The following MUC3A variants were observed in gnomAD, a reference collection of about 807,000 sequenced individuals.
MUC3A encodes the protein mucin 3A, cell surface associated.
In MUC3A, 109 loss-of-function variants were observed where a neutral mutation model predicts 109.0. The observed-to-expected ratio is 1.00, with a 90% CI of 0.86 to 1.17. MUC3A has a LOEUF of 1.17. Among genes scored for constraint, MUC3A ranks in the 50% most tolerant of loss-of-function variants. MUC3A has a pLI of 0.00. For synonymous variants in MUC3A, 1,398 were observed against 981.4 expected (o/e 1.42, Z -7.93); for missense variants, 3,537 against 2,469.4 (o/e 1.43, Z -9.16).
chr7:100,965,269 T>C lies in MUC3A; in HGVS notation c.9383-13T>C, dbSNP rs778047341. The C allele has an allele frequency of 6.3e-7, 1 of 1,598,672 alleles. No individual in the cohort carries two copies. The highest frequency in any genetic ancestry group is 1.1e-5 in the South Asian group (1 of 90,896). ...CTGCCCCGCCCATTCCATCTGTGCC[T>C]GTGTTTCCGCAGCCCTGTGTTTTAA... On this transcript the variant is annotated splice_polypyrimidine_tract_variant and intron_variant, in intron 6 of 11. Coordinates refer to ENST00000379458, the MANE Select transcript of MUC3A (RefSeq NM_005960.2).
At position 100,952,671 on chromosome 7, in the gene MUC3A, G is replaced by C; in HGVS notation, c.892G>C (p.Val298Leu). 6.3e-7 allele frequency: 1 copy of C among 1,598,502 alleles called. No individual in the cohort carries two copies. Among genetic ancestry groups the C allele is most frequent in the Non-Finnish European group, 8.5e-7 (1 of 1,179,786 alleles). Residue 298 changes from valine (V) to leucine (L), a missense_variant, in exon 2 of 12, where the codon GTC becomes CTC. Transcript: ENST00000379458. ...PTRTILSSTP[V>L]LSTETITSGI... ...TAGGACCATTTTATCTTCCACACCTGTCCTGAGCACAGAAACAATCACCAG... is the reference window on the plus strand; with the variant it reads ...TAGGACCATTTTATCTTCCACACCTCTCCTGAGCACAGAAACAATCACCAG...
chr7:100,954,364 C>T lies in MUC3A; in HGVS notation c.2585C>T (p.Ser862Leu), dbSNP rs1038588336. ...MSARPTTVIPSSPTVQNTEIS... is the reference protein window; with the variant it reads ...MSARPTTVIPLSPTVQNTEIS... Reference sequence around the variant, plus strand: ...GCAAGGCCAACAACTGTCATTCCCTCATCTCCCACTGTCCAGAATACAGAA... The same window carrying T: ...GCAAGGCCAACAACTGTCATTCCCTTATCTCCCACTGTCCAGAATACAGAA... The change falls in exon 2 of 12, where the codon TCA (serine) becomes TTA (leucine). Residue 862 changes from serine to leucine, a missense_variant. Physicochemically the swap from Ser to Leu is moderately radical, Grantham distance 145 (BLOSUM62 -2). Transcript: ENST00000379458. 3 of 403,558 alleles carry T rather than the reference C, an allele frequency of 7.4e-6. No individual in the cohort carries two copies. Among genetic ancestry groups the T allele is most frequent in the African/African-American group, 2.1e-5 (1 of 48,704 alleles). The allele number at this position is 403,558 out of a possible 1,614,324, so 25.0% of individuals were successfully genotyped here. A position where few individuals can be genotyped will look rare whatever the true frequency, so the allele number is the denominator to read the frequency against.
At position 100,956,588 on chromosome 7, in the gene MUC3A, C is replaced by T. The variant is rs935726915; in HGVS notation, c.4809C>T (p.Ser1603=). The T allele has an allele frequency of 2.0e-5, 9 of 441,386 alleles. No homozygotes were observed. Among genetic ancestry groups the T allele is most frequent in the African/African-American group, 4.1e-5 (2 of 49,278 alleles). The allele number at this position is 441,386 out of a possible 1,614,324, so 27.3% of individuals were successfully genotyped here. Reference sequence around the variant, plus strand: ...ACCTCACCTCAGTGTACACAGTCTCCAGCATGTCTGCAAGGCCAACAAGTG... The same window carrying T: ...ACCTCACCTCAGTGTACACAGTCTCTAGCATGTCTGCAAGGCCAACAAGTG... The part of the protein sequence containing the change: ...MTDLTSVYTV[S]SMSARPTSVI... Residue 1603 remains serine (S), a synonymous_variant, in exon 2 of 12, where the codon TCC becomes TCT. Transcript: ENST00000379458.
Position 100,951,834 on chromosome 7 carries a change from A to G in MUC3A, c.62-7A>G. Reference sequence around the variant, plus strand: ...CAGTGGATTCCTCTGCTCTGCCGCCAATGCAGGAACTTTATCCACGGCCAC... The same window carrying G: ...CAGTGGATTCCTCTGCTCTGCCGCCGATGCAGGAACTTTATCCACGGCCAC... On this transcript the variant is annotated splice_region_variant and splice_polypyrimidine_tract_variant and intron_variant, in intron 1 of 11. Coordinates refer to ENST00000379458, the MANE Select transcript of MUC3A (RefSeq NM_005960.2). The G allele has an allele frequency of 6.3e-7, 1 of 1,594,790 alleles. No individual in the cohort carries two copies. The highest frequency in any genetic ancestry group is 1.1e-5 in the South Asian group (1 of 91,030).
Position 100,959,470 on chromosome 7 carries a change from G to GTTCCT in MUC3A, c.7694_7698dup (p.Ser2567ProfsTer20). ...AGAATTACTGAGAACACCCCAATCA[G>GTTCCT]TTCCTTTAGCACAAGTATTGTTGTT... On this transcript the variant is annotated frameshift_variant, in exon 2 of 12. Transcript: ENST00000379458. LOFTEE classifies it high-confidence loss of function. The GTTCCT allele has an allele frequency of 6.3e-7, 1 of 1,575,732 alleles. No individual in the cohort carries two copies. Among genetic ancestry groups the GTTCCT allele is most frequent in the African/African-American group, 1.3e-5 (1 of 74,412 alleles).
At position 100,958,541 on chromosome 7, in the gene MUC3A, C is replaced by A; in HGVS notation, c.6762C>A (p.Pro2254=). 1 of 1,327,764 alleles carries A rather than the reference C, an allele frequency of 7.5e-7. No homozygotes were observed. 82.2% of individuals were successfully genotyped at this position (1,327,764 alleles called of 1,614,324 possible). A position where few individuals can be genotyped will look rare whatever the true frequency, so the allele number is the denominator to read the frequency against. The stretch of plus-strand genomic sequence containing the variant: ...CTGAGACTACATCCCACAGTACTCC[C>A]AGCTTCACTTCTTCGATCACCACCA... ...TTTETTSHST[P]SFTSSITTTE... The change falls in exon 2 of 12, where the codon CCC becomes CCA. Residue 2254 remains proline (P), a synonymous_variant. Transcript: ENST00000379458.
Position 100,965,742 on chromosome 7 carries a change from T to C in MUC3A, c.9487T>C (p.Phe3163Leu), listed in dbSNP as rs1425882426. The change falls in exon 8 of 12, where the codon TTC becomes CTC. Residue 3163 changes from phenylalanine to leucine, a missense_variant. By Grantham distance (22) the Phe-to-Leu change is conservative (BLOSUM62 0). Coordinates refer to ENST00000379458, the MANE Select transcript of MUC3A (RefSeq NM_005960.2). ...RRAAPTGYEEFYFPLVEATRL... is the reference protein window; with the variant it reads ...RRAAPTGYEELYFPLVEATRL... Reference sequence around the variant, plus strand: ...CGCCGCTCCCACGGGCTATGAAGAGTTCTACTTCCCCTTGGTGGAGGCCAC... The same window carrying C: ...CGCCGCTCCCACGGGCTATGAAGAGCTCTACTTCCCCTTGGTGGAGGCCAC... The C allele has an allele frequency of 1.9e-6, 3 of 1,598,386 alleles. No homozygotes were observed. The highest frequency in any genetic ancestry group is 2.7e-5 in the African/African-American group (2 of 75,078).
Position 100,959,236 on chromosome 7 carries a change from C to A in MUC3A, c.7457C>A (p.Thr2486Asn), listed in dbSNP as rs1792226407. The change falls in exon 2 of 12, where the codon ACC becomes AAC. Residue 2486 changes from threonine to asparagine, a missense_variant. Thr to Asn is a moderately conservative substitution (Grantham distance 65). Coordinates refer to ENST00000379458, the MANE Select transcript of MUC3A (RefSeq NM_005960.2). ...TPSSLSTDIP[T>N]TSLRTLTPSS... ...TCTTCTCTGAGTACAGACATCCCGA[C>A]CACAAGCCTACGAACTCTCACCCCT... 5.0e-6 allele frequency: 8 copies of A among 1,598,166 alleles called. No individual in the cohort carries two copies. In the South Asian group the frequency reaches 5.5e-5, roughly 11 times the overall value.
Position 100,956,601 on chromosome 7 carries a change from A to T in MUC3A, c.4822A>T (p.Arg1608Trp). 2.8e-6 allele frequency: 1 copy of T among 356,974 alleles called. No individual in the cohort carries two copies. The highest frequency in any genetic ancestry group is 4.8e-6 in the Non-Finnish European group (1 of 208,958). The allele number at this position is 356,974 out of a possible 1,614,324, so 22.1% of individuals were successfully genotyped here. Residue 1608 changes from arginine (R) to tryptophan (W), a missense_variant, in exon 2 of 12, where the codon AGG (arginine) becomes TGG (tryptophan). Physicochemically the swap from Arg to Trp is moderately radical, Grantham distance 101 (BLOSUM62 -3). Transcript: ENST00000379458. ...SVYTVSSMSA[R>W]PTSVIPSSPT... Reference sequence around the variant, plus strand: ...GTACACAGTCTCCAGCATGTCTGCAAGGCCAACAAGTGTCATTCCTTCATC... The same window carrying T: ...GTACACAGTCTCCAGCATGTCTGCATGGCCAACAAGTGTCATTCCTTCATC...
At position 100,964,714 on chromosome 7, in the gene MUC3A, G is replaced by A. The variant is rs1216749994; in HGVS notation, c.9253G>A (p.Asp3085Asn). Reference sequence around the variant, plus strand: ...CCTCAGGAATGGCAGCATCGTGGTGGACTACCTGGTCCTGCTGGAGATGCC... The same window carrying A: ...CCTCAGGAATGGCAGCATCGTGGTGAACTACCTGGTCCTGCTGGAGATGCC... ...LSLRNGSIVV[D>N]YLVLLEMPFS... The change falls in exon 6 of 12, where the codon GAC (aspartate) becomes AAC (asparagine). Residue 3085 changes from aspartate to asparagine, a missense_variant. Transcript: ENST00000379458. 1 of 1,598,370 alleles carries A rather than the reference G, an allele frequency of 6.3e-7. No homozygotes were observed. The highest frequency in any genetic ancestry group is 8.5e-7 in the Non-Finnish European group (1 of 1,179,698).
rs1486610177 is a variant in MUC3A at position 100,959,086 on chromosome 7, C to T, written c.7307C>T (p.Thr2436Ile). 7.6e-6 allele frequency: 12 copies of T among 1,588,428 alleles called. No individual in the cohort carries two copies. The highest frequency in any genetic ancestry group is 4.2e-5 in the African/African-American group (3 of 72,238). ...TCTTCAATCACCACCACTGAGACCA[C>T]CTCAGAGAGTACTCCCAGCCTCAGT... ...FTSSITTTET[T>I]SESTPSLSSS... The change falls in exon 2 of 12, where the codon ACC becomes ATC. Residue 2436 changes from threonine (T) to isoleucine (I), a missense_variant. Transcript: ENST00000379458.
rs942088750 is a variant in MUC3A, at chr7:100,953,420, T to G, written c.1641T>G (p.Thr547=). ...TGTCTGCCAGCAGTGCTGGGACCAC[T>G]CACACAGAGAGTATCTCCTCACCTC... is the stretch of plus-strand genomic sequence containing the variant. The part of the protein sequence containing the change: ...SSMSASSAGT[T]HTESISSPPA... Residue 547 remains threonine, a synonymous_variant, in exon 2 of 12, where the codon ACT becomes ACG. Coordinates refer to ENST00000379458, the MANE Select transcript of MUC3A (RefSeq NM_005960.2). 5.8e-6 allele frequency: 3 copies of G among 518,394 alleles called. No homozygotes were observed. Among genetic ancestry groups the G allele is most frequent in the Admixed American group, 7.3e-5 (2 of 27,384 alleles). The allele number at this position is 518,394 out of a possible 1,614,324, so 32.1% of individuals were successfully genotyped here.
rs553616487 is a variant in MUC3A at position 100,958,948 on chromosome 7, C to G, written c.7169C>G (p.Pro2390Arg). The change falls in exon 2 of 12, where the codon CCT becomes CGT. Residue 2390 changes from proline (P) to arginine (R), a missense_variant. Pro to Arg is a moderately radical substitution (Grantham distance 103). Coordinates refer to ENST00000379458, the MANE Select transcript of MUC3A (RefSeq NM_005960.2). ...ACTGAGACCCCCTTACACAGTACTC[C>G]TGGCCTCACTTCGTGGGTCACCACC... ...TTTETPLHST[P>R]GLTSWVTTTK... is the part of the protein sequence containing the mutation. 3 of 1,529,458 alleles carry G rather than the reference C, an allele frequency of 2.0e-6. No individual in the cohort carries two copies. Among genetic ancestry groups the G allele is most frequent in the East Asian group, 2.4e-5 (1 of 42,100 alleles). The allele number at this position is 1,529,458 out of a possible 1,614,324, so 94.7% of individuals were successfully genotyped here.
Position 100,966,733 on chromosome 7 carries a change from C to T in MUC3A, c.9867C>T (p.Asp3289=), listed in dbSNP as rs1167220030. The T allele has an allele frequency of 1.9e-6, 3 of 1,598,434 alleles. No individual in the cohort carries two copies. The highest frequency in any genetic ancestry group is 1.1e-5 in the South Asian group (1 of 91,096). The change falls in exon 10 of 12, where the codon GAC becomes GAT. Residue 3289 remains aspartate (D), a synonymous_variant. Coordinates refer to ENST00000379458, the MANE Select transcript of MUC3A (RefSeq NM_005960.2). ...CTTTTTCAAACTGGGGTTTCGAGGA[C>T]GACGGAACAGGTGAGTCCTGCCTCC... The part of the protein sequence containing the change: ...VGTFSNWGFE[D]DGTDKDTNFY...
chr7:100,961,091 GTCATGC>G, intron 3 of MUC3A, 154 bp downstream of exon 3: 1 of 983,386 alleles, frequency 1.0e-6, no homozygotes, highest in African/African-American at 1.7e-5. Context: ...GCTGCCCTGT[GTCATGC>G]TCCTCTCCGT....
Position 100,965,717 on chromosome 7 carries a change from C to A in MUC3A, c.9462C>A (p.Arg3154=). ...TELTPAAICR[R]AAPTGYEEFY... The stretch of plus-strand genomic sequence containing the variant: ...CCCAACCCCCAGCCATCTGCCGCCG[C>A]GCCGCTCCCACGGGCTATGAAGAGT... Residue 3154 remains arginine (R), a synonymous_variant, in exon 8 of 12, where the codon CGC becomes CGA. Coordinates refer to ENST00000379458, the MANE Select transcript of MUC3A (RefSeq NM_005960.2). 1 of 1,597,432 alleles carries A rather than the reference C, an allele frequency of 6.3e-7. No individual in the cohort carries two copies. Among genetic ancestry groups the A allele is most frequent in the East Asian group, 2.2e-5 (1 of 44,864 alleles).
chr7:100,966,451 C>T lies in MUC3A; in HGVS notation c.9677C>T (p.Ala3226Val). The T allele has an allele frequency of 7.4e-7, 1 of 1,348,528 alleles. No homozygotes were observed. Among genetic ancestry groups the T allele is most frequent in the Non-Finnish European group, 9.5e-7 (1 of 1,058,132 alleles). The allele number at this position is 1,348,528 out of a possible 1,614,324, so 83.5% of individuals were successfully genotyped here. A position where few individuals can be genotyped will look rare whatever the true frequency, so the allele number is the denominator to read the frequency against. The change falls in exon 9 of 12, where the codon GCG becomes GTG. Residue 3226 changes from alanine to valine, a missense_variant. Coordinates refer to ENST00000379458, the MANE Select transcript of MUC3A (RefSeq NM_005960.2). Reference sequence around the variant, plus strand: ...TGCGAGGTGGCCGTCCACTGGAGGGCGCTGGTCGGGGGCCTGACGGCCGGC... The same window carrying T: ...TGCGAGGTGGCCGTCCACTGGAGGGTGCTGGTCGGGGGCCTGACGGCCGGC... ...PRCEVAVHWRALVGGLTAGAA... is the reference protein window; with the variant it reads ...PRCEVAVHWRVLVGGLTAGAA...
At chr7:100,950,526 C>T (rs1370533896) in intron 1 of MUC3A, among the ~76,000 whole-genome samples, 1 of 152,312 alleles carries the variant, frequency 6.6e-6, no homozygotes, top group East Asian at 1.9e-4. Context: ...TAATCCCTGA[C>T]CCCACTTCCC....
At position 100,958,672 on chromosome 7, in the gene MUC3A, A is replaced by T; in HGVS notation, c.6893A>T (p.Lys2298Met). ...PSSTSLITTT[K>M]TTSHSTPSFT... Reference sequence around the variant, plus strand: ...TCCACTTCTTTAATCACCACCACCAAGACCACCTCACACAGTACTCCCAGC... The same window carrying T: ...TCCACTTCTTTAATCACCACCACCATGACCACCTCACACAGTACTCCCAGC... The change falls in exon 2 of 12, where the codon AAG becomes ATG. Residue 2298 changes from lysine (K) to methionine (M), a missense_variant. Coordinates refer to ENST00000379458, the MANE Select transcript of MUC3A (RefSeq NM_005960.2). 5 of 1,587,440 alleles carry T rather than the reference A, an allele frequency of 3.1e-6. No homozygotes were observed. In the South Asian group the frequency reaches 3.3e-5, roughly 11 times the overall value.
Sources: allele counts gnomAD v4.1 joint callset (sites outside exome capture counted in the v4.1 genomes callset), GRCh38; gene constraint gnomAD v4.1.1; transcripts MANE v1.5; gene names NCBI Gene and HGNC (gene_info 2026-07-23, HGNC 2026-07-21).